MCTP2: variants seen among roughly 807,000 people sequenced by gnomAD.
MCTP2 encodes multiple C2 and transmembrane domain containing 2, also known as multiple C2 and transmembrane domain-containing protein 2.
Under a neutral mutation model 111.6 loss-of-function variants are expected in MCTP2, and 132 were observed. That is an observed-to-expected ratio of 1.18 (90% CI 1.03 to 1.37). The LOEUF (loss-of-function observed/expected upper bound fraction) is 1.37, where lower values mean the gene tolerates loss of function less well. Among genes scored for constraint, MCTP2 ranks in the 40% most tolerant of loss-of-function variants. The pLI, the probability that MCTP2 is intolerant of heterozygous loss-of-function variation, is 0.00. For missense variants in MCTP2, 1,183 were observed against 1,067.9 expected (o/e 1.11, Z -1.50); for synonymous variants, 395 against 387.7 (o/e 1.02, Z -0.22).
intron 17 of MCTP2, among the ~76,000 whole-genome samples, chr15:94,405,139 A>G (rs571082254): frequency 2.2e-4 from 33 of 152,314 alleles, no homozygotes; most frequent in Admixed American, 1.8e-3. Context: ...GAAAGGAGCT[A>G]TTTTAGTTGA....
At chr15:94,232,187 G>A (rs999428771) in intron 1 of MCTP2, among the ~76,000 whole-genome samples, 1 of 152,228 alleles carries the variant, frequency 6.6e-6, no homozygotes, top group Non-Finnish European at 1.5e-5. Context: ...AATAAAGACA[G>A]TGATGTTGGT....
chr15:94,448,429 G>A (rs772624569), intron 19 of MCTP2, among the ~76,000 whole-genome samples: 7 of 152,106 alleles, frequency 4.6e-5, no homozygotes, highest in Non-Finnish European at 7.4e-5. Context: ...ACCAAATTTC[G>A]TCAGAGGCGC....
intron 8 of MCTP2, among the ~76,000 whole-genome samples, chr15:94,345,673 ATTATACAT>A (rs1482483523): frequency 6.6e-6 from 1 of 152,220 alleles, no homozygotes; most frequent in Non-Finnish European, 1.5e-5. Context: ...TTTTTAAGCA[ATTATACAT>A]TTCTGTCTGA....
At chr15:94,441,285 T>A (rs2083766163) in intron 18 of MCTP2, among the ~76,000 whole-genome samples, 1 of 152,248 alleles carries the variant, frequency 6.6e-6, no homozygotes, top group Non-Finnish European at 1.5e-5. Flanking sequence ...TGTTTGATTT[T>A]AATTATTTAA....
chr15:94,337,821 T>A (rs938012974), intron 4 of MCTP2, among the ~76,000 whole-genome samples: 12 of 152,230 alleles, frequency 7.9e-5, no homozygotes, highest in African/African-American at 2.9e-4. Context: ...AATTTTTGTT[T>A]AAAGTTAGTA....
chr15:94,441,721 G>C (rs1052444335), intron 18 of MCTP2, among the ~76,000 whole-genome samples: 2 of 152,196 alleles, frequency 1.3e-5, no homozygotes, highest in African/African-American at 4.8e-5. Context: ...TAGTGACGAA[G>C]TGATTTGCCT....
chr15:94,390,072 A>ATATATATATATACATG (rs2080810415), intron 14 of MCTP2, among the ~76,000 whole-genome samples: 1 of 16,644 alleles, frequency 6.0e-5, no homozygotes, highest in African/African-American at 1.5e-4. Context: ...ATATATATAT[A>ATATATATATATACATG]TATATATATA....
At chr15:94,442,844 A>G in intron 18 of MCTP2, 75 bp from the exon 19 acceptor site, 1 of 1,272,914 alleles carries the variant, frequency 7.9e-7, no homozygotes, top group Non-Finnish European at 1.1e-6. Context: ...GGCAAGCTTT[A>G]AAATGTGTCT....
intron 4 of MCTP2, among the ~76,000 whole-genome samples, chr15:94,337,660 G>A (rs1326573513): frequency 7.5e-6 from 1 of 133,616 alleles, no homozygotes; most frequent in Non-Finnish European, 1.6e-5. Context: ...GAACTGGCCC[G>A]AACACGGTGT....
At position 94,262,766 on chromosome 15, in the gene MCTP2, G is replaced by A. The variant is rs138309525; in HGVS notation, c.-66+31102G>A. ...GCTCACTGCAACCTCAGCCTCCTGG[G>A]TTCAAGCAATTCTTGTGCCTCAGCC... On this transcript the variant is annotated intron_variant, in intron 1 of 22. Transcript: ENST00000357742. Among the ~76,000 whole-genome samples, 15 of 152,142 alleles carry A rather than the reference G, an allele frequency of 9.9e-5. 1 individual carries two copies. The East Asian group carries it at 2.7e-3, about 27-fold the overall frequency.
At chr15:94,413,298 ATGT>A (rs1262583183) in intron 17 of MCTP2, among the ~76,000 whole-genome samples, 2 of 152,150 alleles carry the variant, frequency 1.3e-5, no homozygotes, top group Admixed American at 6.6e-5. Flanking sequence ...TCAAATTTTC[ATGT>A]TGTGTACTTT....
intron 12 of MCTP2, among the ~76,000 whole-genome samples, chr15:94,371,055 A>G (rs1449468770): frequency 1.3e-5 from 2 of 152,146 alleles, no homozygotes; most frequent in Non-Finnish European, 2.9e-5. Context: ...AGGAAGTTCA[A>G]CCATTGGAAA....
Position 94,340,191 on chromosome 15 carries a change from C to G in MCTP2, c.781-8C>G, listed in dbSNP as rs758932632. The stretch of plus-strand genomic sequence containing the variant: ...TAATGTGTTAATTGACCTCTGTCCT[C>G]TTTGTAGGTATATGATCGAGATTTA... On this transcript the variant is annotated splice_region_variant and splice_polypyrimidine_tract_variant and intron_variant, in intron 5 of 22. Transcript: ENST00000357742. 1.9e-6 allele frequency: 3 copies of G among 1,602,736 alleles called. No homozygotes were observed. Among genetic ancestry groups the G allele is most frequent in the Admixed American group, 3.3e-5 (2 of 59,718 alleles).
intron 4 of MCTP2, among the ~76,000 whole-genome samples, chr15:94,334,404 G>T (rs1331216107): frequency 6.6e-6 from 1 of 152,270 alleles, no homozygotes; most frequent in Non-Finnish European, 1.5e-5. Flanking sequence ...GCACCTCTGG[G>T]CATTAATCTT....
At chr15:94,402,715 C>G in intron 17 of MCTP2, 1 of 1,444,674 alleles carries the variant, frequency 6.9e-7, no homozygotes, top group Non-Finnish European at 9.1e-7. Context: ...GGGACTTGTC[C>G]TTGATCAAAT....
Position 94,480,319 on chromosome 15 carries a change from CTAT to C in MCTP2, c.*1287_*1289del, listed in dbSNP as rs1040411026. The C allele has an allele frequency of 6.7e-5, 10 of 148,238 alleles. No homozygotes were observed. The highest frequency in any genetic ancestry group is 2.6e-4 in the African/African-American group (10 of 39,054). 9.2% of individuals were successfully genotyped at this position (148,238 alleles called of 1,614,324 possible). On this transcript the variant is annotated 3_prime_UTR_variant, in exon 23 of 23. Transcript: ENST00000357742. Reference sequence around the variant, plus strand: ...AAGATCTCATTTAATAGTGAGTTCACTATTTTTTTTTTTTTGTCTCTGGGTTGT... The same window carrying C: ...AAGATCTCATTTAATAGTGAGTTCACTTTTTTTTTTTTGTCTCTGGGTTGT...
At chr15:94,335,164 T>A (rs2077299625) in intron 4 of MCTP2, among the ~76,000 whole-genome samples, 1 of 152,216 alleles carries the variant, frequency 6.6e-6, no homozygotes, top group Non-Finnish European at 1.5e-5. Flanking sequence ...TAAGCTGCTG[T>A]CAGATTTATA....
intron 20 of MCTP2, among the ~76,000 whole-genome samples, chr15:94,461,060 A>G (rs2085175602): frequency 6.6e-6 from 1 of 152,218 alleles, no homozygotes; most frequent in Non-Finnish European, 1.5e-5. Flanking sequence ...TTTATGTGGA[A>G]TGAACTGTAT....
intron 2 of MCTP2, among the ~76,000 whole-genome samples, chr15:94,312,158 C>T (rs2076174056): frequency 1.3e-5 from 2 of 152,200 alleles, no homozygotes; most frequent in African/African-American, 4.8e-5. Context: ...ACCGTTTACT[C>T]TTGGCTCTGC....
Sources: allele counts gnomAD v4.1 joint callset (sites outside exome capture counted in the v4.1 genomes callset), GRCh38; gene constraint gnomAD v4.1.1; transcripts MANE v1.5; gene names NCBI Gene and HGNC (gene_info 2026-07-23, HGNC 2026-07-21).